DTNA: variants seen among roughly 807,000 people sequenced by gnomAD.
DTNA encodes the protein dystrobrevin alpha.
A neutral mutation model predicts 100.7 loss-of-function variants in DTNA; 43 were observed. The observed-to-expected ratio is 0.43, with a 90% CI of 0.33 to 0.55. The LOEUF (loss-of-function observed/expected upper bound fraction) is 0.55. DTNA is among the 20% of genes least tolerant of loss of function. DTNA has a pLI of 0.04. For missense variants in DTNA, 798 were observed against 953.9 expected (o/e 0.84, Z 2.15); for synonymous variants, 349 against 347.9 (o/e 1.00, Z -0.04).
rs941457836 is a variant in DTNA at position 34,667,677 on chromosome 18, A to T, written c.-1-88299A>T. Among the ~76,000 whole-genome samples, 301 of 152,238 alleles carry T rather than the reference A, an allele frequency of 2.0e-3. 2 individuals are homozygous for T. Among genetic ancestry groups the T allele is most frequent in the African/African-American group, 7.0e-3 (290 of 41,554 alleles). On this transcript the variant is annotated intron_variant, in intron 1 of 19. Coordinates refer to the DTNA transcript ENST00000283365. Reference sequence around the variant, plus strand: ...AAAGGCCTTTTCTGCATCTATTTAGATAATCATGTGGTTTTTGTCTTTGGT... The same window carrying T: ...AAAGGCCTTTTCTGCATCTATTTAGTTAATCATGTGGTTTTTGTCTTTGGT...
At chr18:34,534,215 G>T (rs2043451905) in intron 1 of DTNA, among the ~76,000 whole-genome samples, 1 of 152,068 alleles carries the variant, frequency 6.6e-6, no homozygotes, top group Non-Finnish European at 1.5e-5. Context: ...CGGGCATGGT[G>T]GTGCACTCCT....
intron 7 of DTNA, 64 bp from the exon 8 acceptor site, chr18:34,818,100 A>C: frequency 6.2e-7 from 1 of 1,612,678 alleles, no homozygotes; most frequent in South Asian, 1.1e-5. Flanking sequence ...GTAAGGCTGT[A>C]TTTTTCCTTC....
Position 34,609,902 on chromosome 18 carries a change from A to G in DTNA, c.-2+116388A>G, listed in dbSNP as rs542523652. On this transcript the variant is annotated intron_variant, in intron 1 of 19. Transcript: ENST00000283365. ...ACCATCAAGAATGATTAACAAACCA[A>G]TTAATTAGCTGAGAATAATAAATAA... Among the ~76,000 whole-genome samples, 68 of 152,348 alleles carry G rather than the reference A, an allele frequency of 4.5e-4. 1 individual carries two copies. Among genetic ancestry groups the G allele is most frequent in the Non-Finnish European group, 6.0e-4 (41 of 68,030 alleles).
chr18:34,688,283 T>C (rs947648689), intron 1 of DTNA, among the ~76,000 whole-genome samples: 1 of 152,150 alleles, frequency 6.6e-6, no homozygotes, highest in African/African-American at 2.4e-5. Context: ...CTGGTACTGG[T>C]TTTTCCCTTG....
At chr18:34,518,839 AC>A (rs2041912527) in intron 1 of DTNA, among the ~76,000 whole-genome samples, 1 of 151,884 alleles carries the variant, frequency 6.6e-6, no homozygotes, top group African/African-American at 2.4e-5. Context: ...TGGGGGAGGT[AC>A]ATATAGCAAT....
At chr18:34,558,198 A>T (rs952807365) in intron 1 of DTNA, 2 of 152,876 alleles carry the variant, frequency 1.3e-5, no homozygotes, top group African/African-American at 4.8e-5. Flanking sequence ...GCGCTTCCCA[A>T]GTGAGGCAAT....
intron 1 of DTNA, among the ~76,000 whole-genome samples, chr18:34,579,300 G>C (rs2048396646): frequency 6.6e-6 from 1 of 152,110 alleles, no homozygotes; most frequent in African/African-American, 2.4e-5. Flanking sequence ...TAGATAGGTA[G>C]GTAGATGATG....
intron 13 of DTNA, among the ~76,000 whole-genome samples, chr18:34,840,011 A>C (rs564081572): frequency 2.6e-5 from 4 of 152,250 alleles, no homozygotes; most frequent in African/African-American, 9.6e-5. Flanking sequence ...AGTATTTTCA[A>C]AATTTTCTTC....
chr18:34,496,205 AACACACACACACAC>A (rs367764683), intron 1 of DTNA, among the ~76,000 whole-genome samples: 8 of 138,592 alleles, frequency 5.8e-5, no homozygotes, highest in South Asian at 2.4e-4. Flanking sequence ...CCCTCCCTGC[AACACACACACACAC>A]ACACACACAC....
At chr18:34,850,834 T>G (rs1222405505) in intron 14 of DTNA, among the ~76,000 whole-genome samples, 1 of 152,138 alleles carries the variant, frequency 6.6e-6, no homozygotes, top group Non-Finnish European at 1.5e-5. Flanking sequence ...CAGATATATA[T>G]ATATGGCATA....
At chr18:34,726,260 AT>A (rs1005040307) in intron 1 of DTNA, among the ~76,000 whole-genome samples, 3 of 152,180 alleles carry the variant, frequency 2.0e-5, no homozygotes, top group African/African-American at 7.2e-5. Flanking sequence ...TTAAAAAAAA[AT>A]AAAAAGAAAG....
At chr18:34,554,612 C>T (rs1270954715) in intron 1 of DTNA, among the ~76,000 whole-genome samples, 1 of 151,774 alleles carries the variant, frequency 6.6e-6, no homozygotes, top group Non-Finnish European at 1.5e-5. Flanking sequence ...CAAAGGCCTT[C>T]TCTGCATCTA....
rs1052017531 is a variant in DTNA at position 34,888,034 on chromosome 18, T to C, written c.*300T>C. 192 of 985,782 alleles carry C rather than the reference T, an allele frequency of 1.9e-4. No individual in the cohort carries two copies. Among genetic ancestry groups the C allele is most frequent in the Non-Finnish European group, 2.0e-4 (169 of 829,960 alleles). 61.1% of individuals were successfully genotyped at this position (985,782 alleles called of 1,614,324 possible). A position where few individuals can be genotyped will look rare whatever the true frequency, so the allele number is the denominator to read the frequency against. On this transcript the variant is annotated 3_prime_UTR_variant, in exon 23 of 23. Transcript: ENST00000444659. Reference sequence around the variant, plus strand: ...AAGACTTCTGTTCAAAGTTAACTTATCAGCTACATCCTCTGTAACGTGGTT... The same window carrying C: ...AAGACTTCTGTTCAAAGTTAACTTACCAGCTACATCCTCTGTAACGTGGTT...
At chr18:34,613,227 G>T (rs967471367) in intron 1 of DTNA, among the ~76,000 whole-genome samples, 2 of 152,114 alleles carry the variant, frequency 1.3e-5, no homozygotes, top group African/African-American at 4.8e-5. Context: ...AATCAATGTT[G>T]TCTGCATTCT....
At chr18:34,883,081 A>G (rs962902291) in intron 21 of DTNA, among the ~76,000 whole-genome samples, 3 of 152,220 alleles carry the variant, frequency 2.0e-5, no homozygotes, top group Admixed American at 2.0e-4. Context: ...AAATGTAACC[A>G]GCGACTCATC....
chr18:34,640,585 T>G (rs2059165609), intron 1 of DTNA, among the ~76,000 whole-genome samples: 1 of 152,226 alleles, frequency 6.6e-6, no homozygotes, highest in South Asian at 2.1e-4. Flanking sequence ...GCAACTGTAA[T>G]TCAGACCACA....
chr18:34,795,090 C>T (rs1673977174), intron 4 of DTNA, among the ~76,000 whole-genome samples: 1 of 152,170 alleles, frequency 6.6e-6, no homozygotes, highest in Non-Finnish European at 1.5e-5. Flanking sequence ...CCACCCCCTC[C>T]ACTTCCACTG....
intron 1 of DTNA, among the ~76,000 whole-genome samples, chr18:34,744,554 T>A (rs1262455720): frequency 6.6e-6 from 1 of 151,492 alleles, no homozygotes; most frequent in Non-Finnish European, 1.5e-5. Flanking sequence ...AGGAACAGAG[T>A]TAAGGAAAGG....
At chr18:34,535,246 A>G (rs2043575509) in intron 1 of DTNA, among the ~76,000 whole-genome samples, 1 of 152,158 alleles carries the variant, frequency 6.6e-6, no homozygotes, top group African/African-American at 2.4e-5. Flanking sequence ...ATGACCAGTG[A>G]TGATGAGCTT....
Sources: gnomAD v4.1 joint callset for allele counts (sites outside exome capture counted in the v4.1 genomes callset) on GRCh38, gnomAD v4.1.1 for gene constraint, MANE v1.5 for transcripts, NCBI Gene and HGNC (gene_info 2026-07-23, HGNC 2026-07-21) for gene names.